The following GALNT2 variants were observed in gnomAD, a reference collection of about 807,000 sequenced individuals.
The protein encoded by GALNT2 is UDP-GalNAc:polypeptide N-acetylgalactosaminyltransferase 2.
In GALNT2, 31 loss-of-function variants were observed where a neutral mutation model predicts 81.4. That is an observed-to-expected ratio of 0.38 (90% CI 0.29 to 0.51). GALNT2 has a LOEUF of 0.51. GALNT2 is among the 20% of genes least tolerant of loss of function. The probability of loss-of-function intolerance (pLI) is 0.87; values close to 1 mark genes in which losing one functional copy is unlikely to be tolerated. For missense variants in GALNT2, 629 were observed against 765.7 expected (o/e 0.82, Z 2.11); for synonymous variants, 303 against 287.4 (o/e 1.05, Z -0.55).
intron 1 of GALNT2, among the ~76,000 whole-genome samples, chr1:230,163,754 T>G (rs6666884): frequency 0.18 from 26,651 of 152,196 alleles, 2,415 homozygotes; most frequent in South Asian, 0.21. Flanking sequence ...GTAAAATTAC[T>G]GTTTTCTGAA....
At chr1:230,158,275 A>C (rs908069173) in intron 1 of GALNT2, among the ~76,000 whole-genome samples, 2 of 152,176 alleles carry the variant, frequency 1.3e-5, no homozygotes, top group African/African-American at 4.8e-5. Context: ...CCAGCCAGGA[A>C]CTAGTGCAGT....
At chr1:230,157,734 G>A (rs1211818117) in intron 1 of GALNT2, among the ~76,000 whole-genome samples, 1 of 152,168 alleles carries the variant, frequency 6.6e-6, no homozygotes, top group Non-Finnish European at 1.5e-5. Flanking sequence ...AGGTCCAAAG[G>A]CTACATACTG....
chr1:230,215,951 A>G (rs1217091067), intron 3 of GALNT2, among the ~76,000 whole-genome samples: 1 of 152,272 alleles, frequency 6.6e-6, no homozygotes, highest in Non-Finnish European at 1.5e-5. Context: ...CATGGCTGGC[A>G]GACTTTCAGC....
At chr1:230,133,301 T>C (rs371443793) in intron 1 of GALNT2, among the ~76,000 whole-genome samples, 11 of 152,350 alleles carry the variant, frequency 7.2e-5, no homozygotes, top group African/African-American at 2.6e-4. Context: ...TTGATAGATG[T>C]TCTCAGCTCT....
chr1:230,198,441 C>T (rs1663778925), intron 2 of GALNT2, among the ~76,000 whole-genome samples: 1 of 142,184 alleles, frequency 7.0e-6, no homozygotes, highest in Non-Finnish European at 1.5e-5. Flanking sequence ...GGCAGGACAG[C>T]AGCCCAGGAG....
Position 230,255,249 on chromosome 1 carries a change from C to A in GALNT2, c.1041C>A (p.Gly347=), listed in dbSNP as rs1254369184. ...EISFRVWQCG[G]SLEIIPCSRV... Reference sequence around the variant, plus strand: ...CGTTCCGCGTGTGGCAGTGTGGTGGCAGCCTGGAGATCATCCCGTGCAGCC... The same window carrying A: ...CGTTCCGCGTGTGGCAGTGTGGTGGAAGCCTGGAGATCATCCCGTGCAGCC... Residue 347 remains glycine (G), a synonymous_variant, in exon 11 of 16, where the codon GGC becomes GGA. Coordinates refer to ENST00000366672, the MANE Select transcript of GALNT2 (RefSeq NM_004481.5). 1 of 1,614,210 alleles carries A rather than the reference C, an allele frequency of 6.2e-7. No homozygotes were observed.
intron 1 of GALNT2, among the ~76,000 whole-genome samples, chr1:230,069,422 A>C (rs1659307581): frequency 6.6e-6 from 1 of 152,202 alleles, no homozygotes; most frequent in South Asian, 2.1e-4. Flanking sequence ...AACGAACCAT[A>C]AAATTTAATG....
At chr1:230,067,712 G>T (rs1346423250) in intron 1 of GALNT2, among the ~76,000 whole-genome samples, 1 of 152,170 alleles carries the variant, frequency 6.6e-6, no homozygotes, top group African/African-American at 2.4e-5. Flanking sequence ...ATCCCCTGCG[G>T]TTGGAAGTTT....
chr1:230,139,074 C>CA (rs1401691222), intron 1 of GALNT2, among the ~76,000 whole-genome samples: 13 of 152,206 alleles, frequency 8.5e-5, no homozygotes, highest in Admixed American at 3.9e-4. Flanking sequence ...CACTCAGTGT[C>CA]TACCCTCACG....
intron 3 of GALNT2, among the ~76,000 whole-genome samples, chr1:230,233,765 T>A (rs1365614075): frequency 3.9e-5 from 6 of 152,190 alleles, no homozygotes; most frequent in Admixed American, 6.5e-5. Flanking sequence ...AATTTGTTAT[T>A]AATGTGCAAA....
intron 14 of GALNT2, among the ~76,000 whole-genome samples, chr1:230,273,580 G>T (rs1311090403): frequency 6.6e-6 from 1 of 152,198 alleles, no homozygotes; most frequent in Non-Finnish European, 1.5e-5. Flanking sequence ...CCTGGAACAG[G>T]CTCCGGCCTC....
At chr1:230,096,211 G>A (rs1446293017) in intron 1 of GALNT2, among the ~76,000 whole-genome samples, 1 of 152,208 alleles carries the variant, frequency 6.6e-6, no homozygotes, top group African/African-American at 2.4e-5. Flanking sequence ...GCCAGCTGAG[G>A]TTGAGCCATG....
intron 1 of GALNT2, among the ~76,000 whole-genome samples, chr1:230,135,252 G>A (rs562909265): frequency 9.9e-5 from 15 of 152,188 alleles, no homozygotes; most frequent in Admixed American, 7.2e-4. Flanking sequence ...GTGGGGATGC[G>A]AGGGGTGTAG....
intron 1 of GALNT2, among the ~76,000 whole-genome samples, chr1:230,171,722 C>T (rs1017743466): frequency 1.1e-4 from 16 of 152,138 alleles, no homozygotes; most frequent in Non-Finnish European, 1.6e-4. Flanking sequence ...ATATACATAA[C>T]ATTTATTCTT....
intron 1 of GALNT2, among the ~76,000 whole-genome samples, chr1:230,136,895 T>C (rs1661566394): frequency 6.6e-6 from 1 of 152,198 alleles, no homozygotes; most frequent in African/African-American, 2.4e-5. Flanking sequence ...ATTTTGCTTT[T>C]CCCGCAGTTC....
Position 230,243,155 on chromosome 1 carries a change from G to C in GALNT2, c.608-151G>C, listed in dbSNP as rs534021161. On this transcript the variant is annotated intron_variant, in intron 6 of 15. Transcript: ENST00000366672. The surrounding 1 kb of genome is among the most constrained non-coding windows in gnomAD (Gnocchi z 4.2). Reference sequence around the variant, plus strand: ...TGACAATAGTCTGTCTCATGGAGCAGTTTTGATCTCATCCAGCAAGTTTAC... The same window carrying C: ...TGACAATAGTCTGTCTCATGGAGCACTTTTGATCTCATCCAGCAAGTTTAC... The C allele has an allele frequency of 8.2e-6, 8 of 972,988 alleles. No individual in the cohort carries two copies. The African/African-American group carries it at 1.2e-4, about 14-fold the overall frequency. 60.3% of individuals were successfully genotyped at this position (972,988 alleles called of 1,614,324 possible).
chr1:230,106,181 G>T (rs991215586), intron 1 of GALNT2, among the ~76,000 whole-genome samples: 1 of 152,238 alleles, frequency 6.6e-6, no homozygotes, highest in African/African-American at 2.4e-5. Context: ...CGGAGTGATA[G>T]CAAAGTTTTG....
At chr1:230,192,397 C>G (rs945614259) in intron 2 of GALNT2, among the ~76,000 whole-genome samples, 1 of 152,200 alleles carries the variant, frequency 6.6e-6, no homozygotes, top group African/African-American at 2.4e-5. Flanking sequence ...CAAGTAGTCA[C>G]TGGTTAACAG....
In GALNT2 at chr1:230,187,797, G is replaced by C. The variant is rs1403194636; in HGVS notation, c.220+9486G>C. Among the ~76,000 whole-genome samples the C allele has an allele frequency of 2.0e-5, 3 of 152,170 alleles. No homozygotes were observed. In the South Asian group the frequency reaches 6.2e-4, roughly 31 times the overall value. On this transcript the variant is annotated intron_variant, in intron 2 of 15. Transcript: ENST00000366672. ...GAAGATGGTCTTCCCCTGGAGTCCTGCTGTCCCCAGCCAAACTCTTCTCCA... is the reference window on the plus strand; with the variant it reads ...GAAGATGGTCTTCCCCTGGAGTCCTCCTGTCCCCAGCCAAACTCTTCTCCA...
Sources: gnomAD v4.1 joint callset for allele counts (sites outside exome capture counted in the v4.1 genomes callset) on GRCh38, gnomAD v4.1.1 for gene constraint, Gnocchi (gnomAD v3.1) non-coding constraint, MANE v1.5 for transcripts, NCBI Gene and HGNC (gene_info 2026-07-23, HGNC 2026-07-21) for gene names.